The following PHLDB2 variants were observed in gnomAD, a reference collection of about 807,000 sequenced individuals.
PHLDB2 encodes the protein pleckstrin homology like domain family B member 2.
Under a neutral mutation model 123.6 loss-of-function variants are expected in PHLDB2, and 71 were observed. That is an observed-to-expected ratio of 0.57 (90% CI 0.47 to 0.70). PHLDB2 has a LOEUF of 0.70. Ranked by LOEUF, PHLDB2 falls within the 30% of genes least tolerant of loss-of-function variation. The pLI, the probability that PHLDB2 is intolerant of heterozygous loss-of-function variation, is 0.00. For missense variants in PHLDB2, 1,446 were observed against 1,519.5 expected (o/e 0.95, Z 0.80); for synonymous variants, 547 against 541.6 (o/e 1.01, Z -0.14).
chr3:111,949,729 G>A (rs1474279511), intron 10 of PHLDB2: 1 of 985,548 alleles, frequency 1.0e-6, no homozygotes, highest in African/African-American at 1.7e-5. Context: ...TTCTGGATTT[G>A]TGTTTCCTTC....
chr3:111,890,760 T>G (rs2107367564), intron 2 of PHLDB2, among the ~76,000 whole-genome samples: 1 of 152,336 alleles, frequency 6.6e-6, no homozygotes, highest in East Asian at 1.9e-4. Context: ...GGCCTATTAA[T>G]GAGGTAAATA....
intron 2 of PHLDB2, among the ~76,000 whole-genome samples, chr3:111,909,597 C>T (rs2067758344): frequency 6.6e-6 from 1 of 151,518 alleles, no homozygotes; most frequent in South Asian, 2.1e-4. Context: ...GACTTTGTCT[C>T]AGGAAAAAAA....
chr3:111,959,808 C>T (rs112458514), intron 12 of PHLDB2, among the ~76,000 whole-genome samples: 113 of 152,338 alleles, frequency 7.4e-4, no homozygotes, highest in Middle Eastern at 3.4e-3. Flanking sequence ...GAAACATGCT[C>T]ACCTTCTTTC....
At position 111,949,949 on chromosome 3, in the gene PHLDB2, T is replaced by G. The variant is rs182714258; in HGVS notation, c.2631+874T>G. On this transcript the variant is annotated intron_variant, in intron 10 of 17. Transcript: ENST00000431670. ...GTTATTTTGACAACGAAATTACTTATGTGAAATCTTTTCTTCTACTTTCCC... is the reference window on the plus strand; with the variant it reads ...GTTATTTTGACAACGAAATTACTTAGGTGAAATCTTTTCTTCTACTTTCCC... 2.5e-5 allele frequency: 24 copies of G among 951,210 alleles called. 1 individual carries two copies. The East Asian group carries it at 1.5e-3, about 60-fold the overall frequency. The allele number at this position is 951,210 out of a possible 1,614,324, so 58.9% of individuals were successfully genotyped here.
intron 1 of PHLDB2, among the ~76,000 whole-genome samples, chr3:111,780,684 A>G (rs554699527): frequency 1.3e-5 from 2 of 152,214 alleles, no homozygotes; most frequent in South Asian, 4.1e-4. Context: ...ATTCTAATTC[A>G]TGTCATCTGG....
rs372064824 is a variant in PHLDB2, at chr3:111,969,584, C to T, written c.3316-106C>T. ...TCTTAAGCTCTTTTAATCATATAGGCATTTTAAAGCTTAGGTTTTACAGTT... is the reference window on the plus strand; with the variant it reads ...TCTTAAGCTCTTTTAATCATATAGGTATTTTAAAGCTTAGGTTTTACAGTT... On this transcript the variant is annotated intron_variant, in intron 15 of 17. Coordinates refer to ENST00000431670, the MANE Select transcript of PHLDB2 (RefSeq NM_001134438.2). 43 of 822,464 alleles carry T rather than the reference C, an allele frequency of 5.2e-5. 1 individual carries two copies. The South Asian group carries it at 6.7e-4, about 13-fold the overall frequency. 50.9% of individuals were successfully genotyped at this position (822,464 alleles called of 1,614,324 possible).
intron 2 of PHLDB2, among the ~76,000 whole-genome samples, chr3:111,851,858 C>G (rs2064269235): frequency 1.3e-5 from 2 of 151,992 alleles, no homozygotes; most frequent in Admixed American, 1.3e-4. Context: ...CTCCCCAGCT[C>G]AGGCGGCTGT....
At chr3:111,811,293 ATTGCTAT>A (rs2061826306) in intron 1 of PHLDB2, among the ~76,000 whole-genome samples, 1 of 152,186 alleles carries the variant, frequency 6.6e-6, no homozygotes, top group African/African-American at 2.4e-5. Context: ...GAAAGTAATC[ATTGCTAT>A]AGGAGAGTCC....
intron 2 of PHLDB2, among the ~76,000 whole-genome samples, chr3:111,889,932 G>C (rs771004439): frequency 6.6e-5 from 10 of 152,192 alleles, no homozygotes; most frequent in Admixed American, 2.6e-4. Context: ...CAGATGAAAG[G>C]TTTATGGCTT....
intron 1 of PHLDB2, among the ~76,000 whole-genome samples, chr3:111,766,757 G>A (rs1328534724): frequency 1.3e-5 from 2 of 152,130 alleles, no homozygotes; most frequent in African/African-American, 2.4e-5. Flanking sequence ...TCCAGGTTGT[G>A]CGCAGTGGCT....
chr3:111,783,973 A>G (rs2060583511), intron 1 of PHLDB2, among the ~76,000 whole-genome samples: 1 of 152,158 alleles, frequency 6.6e-6, no homozygotes. Context: ...AAGTATATTA[A>G]GGGCAATTGT....
intron 1 of PHLDB2, among the ~76,000 whole-genome samples, chr3:111,839,044 C>T (rs2063548187): frequency 2.0e-5 from 3 of 152,098 alleles, no homozygotes; most frequent in Admixed American, 6.5e-5. Context: ...TCTACACACT[C>T]AAGCAATTAT....
In PHLDB2 at chr3:111,904,133, T is replaced by C. The variant is rs576192063; in HGVS notation, c.1336-9186T>C. The stretch of plus-strand genomic sequence containing the variant: ...TTTCTACTAAAAATACAAAAATTAG[T>C]CAGGTGTGGTGGCAGGCACCTATAA... On this transcript the variant is annotated intron_variant, in intron 2 of 17. Transcript: ENST00000431670. 2.6e-5 allele frequency among the ~76,000 whole-genome samples: 4 copies of C among 151,636 alleles called. No homozygotes were observed. In the East Asian group the frequency reaches 7.8e-4, roughly 29 times the overall value.
intron 1 of PHLDB2, among the ~76,000 whole-genome samples, chr3:111,877,240 T>C (rs574527580): frequency 1.9e-3 from 295 of 152,390 alleles, no homozygotes; most frequent in Admixed American, 0.018. Context: ...TGTTGTTTCC[T>C]GACTTTTTAA....
chr3:111,927,335 T>C (rs1431829300), intron 5 of PHLDB2, among the ~76,000 whole-genome samples: 2 of 152,060 alleles, frequency 1.3e-5, no homozygotes, highest in African/African-American at 2.4e-5. Context: ...AAGACCAGTG[T>C]AGGTAACACA....
intron 1 of PHLDB2, among the ~76,000 whole-genome samples, chr3:111,821,215 T>C (rs1268610868): frequency 6.6e-6 from 1 of 152,236 alleles, no homozygotes; most frequent in Non-Finnish European, 1.5e-5. Context: ...AGATTTTGAA[T>C]GTCTTTTCTG....
intron 1 of PHLDB2, among the ~76,000 whole-genome samples, chr3:111,830,960 A>G (rs895947529): frequency 0.13 from 3,529 of 26,202 alleles, 87 homozygotes; most frequent in Non-Finnish European, 0.16. Context: ...AGAAAGAGAA[A>G]GAAAGAAAGA....
At chr3:111,798,437 A>T (rs67068601) in intron 1 of PHLDB2, among the ~76,000 whole-genome samples, 31,369 of 152,138 alleles carry the variant, frequency 0.21, 3,665 homozygotes, top group Non-Finnish European at 0.26. Context: ...TTTACTTTTC[A>T]TACTGCTTTC....
At chr3:111,913,233 G>A (rs779221913) in intron 2 of PHLDB2, 86 bp from the exon 3 acceptor site, 7 of 1,411,390 alleles carry the variant, frequency 5.0e-6, no homozygotes, top group Non-Finnish European at 6.7e-6. Context: ...GCAAGCACCA[G>A]TTGTCCCAGC....
Sources: gnomAD v4.1 joint callset for allele counts (sites outside exome capture counted in the v4.1 genomes callset) on GRCh38, gnomAD v4.1.1 for gene constraint, MANE v1.5 for transcripts, NCBI Gene and HGNC (gene_info 2026-07-23, HGNC 2026-07-21) for gene names.